Variants in ATP9A observed in about 807,000 individuals in gnomAD.
ATP9A encodes the protein probable phospholipid-transporting ATPase IIA.
In ATP9A, 52 loss-of-function variants were observed where a neutral mutation model predicts 144.1. That is an observed-to-expected ratio of 0.36 (90% CI 0.29 to 0.45). The LOEUF is 0.45. Among genes scored for constraint, ATP9A ranks in the 20% least tolerant of loss-of-function variants. The pLI is 1.00. For synonymous variants in ATP9A, 582 were observed against 557.4 expected, an observed-to-expected ratio of 1.04 and a Z score of -0.62; for missense variants, 947 against 1,392.7, an observed-to-expected ratio of 0.68 and a Z score of 5.09.
chr20:51,629,127 G>A (rs577457843), intron 15 of ATP9A, 55 bp from the exon 16 acceptor site: 150 of 1,406,874 alleles, frequency 1.1e-4, no homozygotes, highest in African/African-American at 9.7e-4. Flanking sequence ...CTCTTTCAGC[G>A]GCAAAGCCCG....
intron 4 of ATP9A, among the ~76,000 whole-genome samples, chr20:51,703,750 AT>A (rs1200151903): frequency 6.6e-6 from 1 of 152,068 alleles, no homozygotes; most frequent in African/African-American, 2.4e-5. Flanking sequence ...TACCAAAAAA[AT>A]TTTTTTTAAT....
intron 14 of ATP9A, among the ~76,000 whole-genome samples, chr20:51,652,807 TA>T (rs369268216): frequency 4.7e-5 from 7 of 148,510 alleles, no homozygotes; most frequent in East Asian, 2.0e-4. Context: ...ATAAAAGTTG[TA>T]AAAAAAAAAC....
At chr20:51,604,234 G>A (rs766377091) in intron 27 of ATP9A, among the ~76,000 whole-genome samples, 6 of 152,086 alleles carry the variant, frequency 3.9e-5, no homozygotes, top group Non-Finnish European at 8.8e-5. Flanking sequence ...GCTCCCTGGC[G>A]AGCCCGTCCA....
In ATP9A at chr20:51,596,657, A is replaced by G. The variant is rs907153173; in HGVS notation, c.*4554T>C. The G allele has an allele frequency of 2.0e-5, 3 of 152,158 alleles. No individual in the cohort carries two copies. Among genetic ancestry groups the G allele is most frequent in the Non-Finnish European group, 4.4e-5 (3 of 68,030 alleles). 9.4% of individuals were successfully genotyped at this position (152,158 alleles called of 1,614,324 possible). ...CAAAATAATTTTCTGAACTGGAAAGAGTTTTCTTTACATTTCATGTACCAT... is the reference window on the plus strand; with the variant it reads ...CAAAATAATTTTCTGAACTGGAAAGGGTTTTCTTTACATTTCATGTACCAT... On this transcript the variant is annotated 3_prime_UTR_variant, in exon 28 of 28. Coordinates refer to ENST00000338821, the MANE Select transcript of ATP9A (RefSeq NM_006045.3).
intron 9 of ATP9A, among the ~76,000 whole-genome samples, chr20:51,679,118 G>C (rs1377255734): frequency 6.6e-6 from 1 of 152,166 alleles, no homozygotes; most frequent in Non-Finnish European, 1.5e-5. Flanking sequence ...GAGGTCAGGA[G>C]TTTGAGACCA....
intron 18 of ATP9A, among the ~76,000 whole-genome samples, chr20:51,622,965 C>A (rs143168993): frequency 6.6e-6 from 1 of 152,160 alleles, no homozygotes; most frequent in African/African-American, 2.4e-5. Context: ...CCAGCACCCA[C>A]GCTGAGCTCT....
At chr20:51,647,034 G>A (rs2077345072) in intron 14 of ATP9A, among the ~76,000 whole-genome samples, 1 of 151,526 alleles carries the variant, frequency 6.6e-6, no homozygotes, top group South Asian at 2.1e-4. Flanking sequence ...CAGCGGAATT[G>A]CTTGAACCCA....
rs1462827681 is a variant in ATP9A, at chr20:51,596,575, A to G, written c.*4636T>C. 6.6e-6 allele frequency: 1 copy of G among 152,174 alleles called. No individual in the cohort carries two copies. Among genetic ancestry groups the G allele is most frequent in the Non-Finnish European group, 1.5e-5 (1 of 68,042 alleles). The allele number at this position is 152,174 out of a possible 1,614,324, so 9.4% of individuals were successfully genotyped here. ...TGAAATTCTGACACGTCTGGGATGG[A>G]CAATAGTACAAAATAATAAATAACA... On this transcript the variant is annotated 3_prime_UTR_variant, in exon 28 of 28. Transcript: ENST00000338821.
intron 13 of ATP9A, 76 bp from the exon 14 acceptor site, chr20:51,657,226 G>C (rs1165441460): frequency 1.2e-5 from 15 of 1,255,666 alleles, no homozygotes; most frequent in Non-Finnish European, 1.5e-5. Flanking sequence ...CAGCCGTGCA[G>C]CTATTGTTTC....
chr20:51,718,298 A>G (rs1291545440), intron 3 of ATP9A, among the ~76,000 whole-genome samples: 1 of 152,004 alleles, frequency 6.6e-6, no homozygotes, highest in Non-Finnish European at 1.5e-5. Context: ...CACTGGAAGG[A>G]AACACACCAG....
chr20:51,632,363 A>G (rs1002284568), intron 15 of ATP9A, among the ~76,000 whole-genome samples: 5 of 152,222 alleles, frequency 3.3e-5, no homozygotes, highest in African/African-American at 1.2e-4. Flanking sequence ...GGCAGGAGCC[A>G]CCGTACCAAG....
At chr20:51,748,936 T>TAGAC (rs1218193799) in intron 1 of ATP9A, among the ~76,000 whole-genome samples, 3,734 of 128,116 alleles carry the variant, frequency 0.029, 69 homozygotes, top group African/African-American at 0.061. Context: ...GATAGATAGA[T>TAGAC]AGATAGATAG....
At chr20:51,705,556 G>A (rs917335041) in intron 4 of ATP9A, among the ~76,000 whole-genome samples, 3 of 152,190 alleles carry the variant, frequency 2.0e-5, no homozygotes, top group Non-Finnish European at 2.9e-5. Context: ...AGAAGCATCA[G>A]CAATTGTGTT....
chr20:51,739,895 C>T (rs901836820), intron 1 of ATP9A, among the ~76,000 whole-genome samples: 2 of 152,136 alleles, frequency 1.3e-5, no homozygotes, highest in Admixed American at 6.5e-5. Context: ...AGGGACTAGT[C>T]GGCCTGAAAA....
chr20:51,745,128 T>A (rs535519338), intron 1 of ATP9A, among the ~76,000 whole-genome samples: 1 of 151,986 alleles, frequency 6.6e-6, no homozygotes, highest in Non-Finnish European at 1.5e-5. Flanking sequence ...AATACAAAAT[T>A]TAGCCAGGTG....
In ATP9A at chr20:51,660,871, G is replaced by A. The variant is rs180926219; in HGVS notation, c.1294-3721C>T. On this transcript the variant is annotated intron_variant, in intron 13 of 27. Transcript: ENST00000338821. ...TTTCTTCTTACTTAAAAAATACCAG[G>A]GGAAAACAAAAACAGATGTGGCATC... 4.5e-4 allele frequency among the ~76,000 whole-genome samples: 69 copies of A among 152,238 alleles called. No individual in the cohort carries two copies. The East Asian group carries it at 0.012, about 26-fold the overall frequency.
At position 51,691,125 on chromosome 20, in the gene ATP9A, C is replaced by T. The variant is rs189873275; in HGVS notation, c.643-306G>A. Among the ~76,000 whole-genome samples, 231 of 152,282 alleles carry T rather than the reference C, an allele frequency of 1.5e-3. 1 individual carries two copies. The highest frequency in any genetic ancestry group is 1.4e-3 in the Non-Finnish European group (94 of 68,012). On this transcript the variant is annotated intron_variant, in intron 7 of 27. Coordinates refer to ENST00000338821, the MANE Select transcript of ATP9A (RefSeq NM_006045.3). ...TATGAATACCCTGGAAAGTGGCAGA[C>T]CCTCCTCTGCTAAATTCTGGCTTGC... is the stretch of plus-strand genomic sequence containing the variant.
chr20:51,686,307 A>G (rs2077522631), intron 9 of ATP9A, among the ~76,000 whole-genome samples: 1 of 152,116 alleles, frequency 6.6e-6, no homozygotes, highest in Non-Finnish European at 1.5e-5. Context: ...TGGCACATGT[A>G]TACAAATGTA....
intron 1 of ATP9A, among the ~76,000 whole-genome samples, chr20:51,766,813 G>A (rs545528746): frequency 1.1e-4 from 16 of 152,120 alleles, no homozygotes; most frequent in African/African-American, 2.9e-4. Context: ...GCACTCCAGC[G>A]TGGGCAACAG....
Sources: gnomAD v4.1 joint callset for allele counts (sites outside exome capture counted in the v4.1 genomes callset) on GRCh38, gnomAD v4.1.1 for gene constraint, MANE v1.5 for transcripts, NCBI Gene and HGNC (gene_info 2026-07-23, HGNC 2026-07-21) for gene names.